The following ARL15 variants were observed in gnomAD, a reference collection of about 807,000 sequenced individuals.
ARL15 encodes ARF like GTPase 15.
Under a neutral mutation model 25.2 loss-of-function variants are expected in ARL15, and 19 were observed. That is an observed-to-expected ratio of 0.75 (90% CI 0.53 to 1.10). The LOEUF is 1.10. ARL15 is among the 50% of genes least tolerant of loss of function. The pLI is 0.00. For missense variants in ARL15, 220 were observed against 246.0 expected (o/e 0.89, Z 0.71); for synonymous variants, 94 against 86.8 (o/e 1.08, Z -0.46).
At chr5:54,111,996 C>T (rs2112213757) in intron 4 of ARL15, among the ~76,000 whole-genome samples, 1 of 152,158 alleles carries the variant, frequency 6.6e-6, no homozygotes, top group South Asian at 2.1e-4. Context: ...TACTTAATTA[C>T]TTAATATTAT....
At chr5:54,249,581 T>C (rs1370920918) in intron 1 of ARL15, among the ~76,000 whole-genome samples, 4 of 148,970 alleles carry the variant, frequency 2.7e-5, no homozygotes, top group Non-Finnish European at 5.9e-5. Flanking sequence ...AGAGTAAAAG[T>C]GCAAGAATTC....
At chr5:54,102,426 C>T (rs1248156792) in intron 4 of ARL15, among the ~76,000 whole-genome samples, 1 of 152,022 alleles carries the variant, frequency 6.6e-6, no homozygotes, top group African/African-American at 2.4e-5. Flanking sequence ...TTTGGAAAAT[C>T]GGGACATTTA....
chr5:54,282,729 T>C (rs546985085), intron 1 of ARL15, among the ~76,000 whole-genome samples: 2 of 152,312 alleles, frequency 1.3e-5, no homozygotes, highest in South Asian at 2.1e-4. Context: ...TAAAAGTCTA[T>C]AATCCTTATA....
At chr5:54,277,612 C>T (rs1377289758) in intron 1 of ARL15, among the ~76,000 whole-genome samples, 1 of 151,950 alleles carries the variant, frequency 6.6e-6, no homozygotes, top group Non-Finnish European at 1.5e-5. Flanking sequence ...ATTAGCCGGG[C>T]GTGGTGGCGG....
rs5867914 is a variant in ARL15 at position 54,134,568 on chromosome 5, C to CTTT, written c.253+20009_253+20011dup. Among the ~76,000 whole-genome samples the CTTT allele has an allele frequency of 2.0e-3, 105 of 51,800 alleles. 16 individuals are homozygous for CTTT. The highest frequency in any genetic ancestry group is 3.2e-3 in the African/African-American group (39 of 12,294). 34.0% of individuals were successfully genotyped at this position (51,800 alleles called of 152,430 possible). ...GTGAGCTCCCTGAAGGAATGATTAG[C>CTTT]TTTTTTTTTTTTTTTTTTTTTTTTT... On this transcript the variant is annotated intron_variant, in intron 3 of 4. Transcript: ENST00000504924.
intron 3 of ARL15, among the ~76,000 whole-genome samples, chr5:54,152,801 C>T (rs1034125859): frequency 1.3e-5 from 2 of 152,204 alleles, no homozygotes; most frequent in Non-Finnish European, 2.9e-5. Context: ...TGTCAGGGAA[C>T]AGCTCTTTCG....
intron 4 of ARL15, among the ~76,000 whole-genome samples, chr5:54,083,365 A>C (rs1313503429): frequency 1.3e-5 from 2 of 152,194 alleles, no homozygotes; most frequent in Non-Finnish European, 2.9e-5. Flanking sequence ...GCAATGGTAC[A>C]CTTTAATTTT....
intron 3 of ARL15, among the ~76,000 whole-genome samples, chr5:54,116,791 G>A (rs1335081061): frequency 2.6e-5 from 4 of 152,072 alleles, no homozygotes; most frequent in Non-Finnish European, 4.4e-5. Flanking sequence ...AACACAAAAC[G>A]ATTATGTAAC....
intron 4 of ARL15, among the ~76,000 whole-genome samples, chr5:54,047,516 A>G (rs776289263): frequency 2.0e-5 from 3 of 152,158 alleles, no homozygotes; most frequent in Non-Finnish European, 4.4e-5. Flanking sequence ...TCTTCATATA[A>G]AACCTCAGTA....
intron 1 of ARL15, among the ~76,000 whole-genome samples, chr5:54,308,400 T>C (rs1295043957): frequency 3.3e-5 from 3 of 91,214 alleles, no homozygotes; most frequent in Non-Finnish European, 4.4e-5. Flanking sequence ...AAAATAATGA[T>C]TTTTTTTAAA....
chr5:54,211,931 A>C (rs1473650726), intron 1 of ARL15, among the ~76,000 whole-genome samples: 2 of 152,198 alleles, frequency 1.3e-5, no homozygotes, highest in African/African-American at 2.4e-5. Context: ...GAGTAGGAAG[A>C]AATGCCAAGT....
chr5:53,992,629 C>T (rs1256443822), intron 4 of ARL15, among the ~76,000 whole-genome samples: 1 of 152,156 alleles, frequency 6.6e-6, no homozygotes, highest in South Asian at 2.1e-4. Flanking sequence ...AAATAACTAA[C>T]GTTTTGTGTT....
intron 4 of ARL15, among the ~76,000 whole-genome samples, chr5:53,910,827 A>G (rs1201805907): frequency 6.6e-6 from 1 of 151,256 alleles, no homozygotes; most frequent in African/African-American, 2.4e-5. Flanking sequence ...CAAATATGAA[A>G]CTCAATTGGA....
At chr5:54,178,164 C>T (rs1754939736) in intron 1 of ARL15, among the ~76,000 whole-genome samples, 1 of 152,208 alleles carries the variant, frequency 6.6e-6, no homozygotes, top group Non-Finnish European at 1.5e-5. Flanking sequence ...AATCCTCCCA[C>T]TTTGGCACTG....
chr5:54,072,641 T>C (rs1349782288), intron 4 of ARL15, among the ~76,000 whole-genome samples: 1 of 152,188 alleles, frequency 6.6e-6, no homozygotes, highest in African/African-American at 2.4e-5. Context: ...AAGATAAAGC[T>C]TGGGAATCAG....
chr5:54,178,474 T>A (rs545856527), intron 1 of ARL15, among the ~76,000 whole-genome samples: 23 of 152,318 alleles, frequency 1.5e-4, no homozygotes, highest in African/African-American at 4.8e-4. Context: ...TCTTTTTCTA[T>A]GTGGCCCAAG....
At chr5:54,187,705 T>C (rs1755279511) in intron 1 of ARL15, among the ~76,000 whole-genome samples, 1 of 152,224 alleles carries the variant, frequency 6.6e-6, no homozygotes, top group South Asian at 2.1e-4. Context: ...CCTTTCTATT[T>C]TCCTACTGAT....
chr5:54,130,643 G>C (rs1304651207), intron 3 of ARL15, among the ~76,000 whole-genome samples: 1 of 152,154 alleles, frequency 6.6e-6, no homozygotes, highest in Non-Finnish European at 1.5e-5. Flanking sequence ...TTAGTACTGA[G>C]ATGTAATTAT....
At chr5:53,995,121 C>A (rs527990694) in intron 4 of ARL15, among the ~76,000 whole-genome samples, 3 of 152,040 alleles carry the variant, frequency 2.0e-5, no homozygotes, top group African/African-American at 7.2e-5. Context: ...CCAGCCTGGC[C>A]AAGATGGTGA....
Sources: allele counts gnomAD v4.1 joint callset (sites outside exome capture counted in the v4.1 genomes callset), GRCh38; gene constraint gnomAD v4.1.1; transcripts MANE v1.5; gene names NCBI Gene and HGNC (gene_info 2026-07-23, HGNC 2026-07-21).